CTNNA2: variants seen among roughly 807,000 people sequenced by gnomAD.
CTNNA2 encodes the protein catenin alpha-2.
A neutral mutation model predicts 101.0 loss-of-function variants in CTNNA2; 42 were observed. The ratio of observed to expected loss-of-function variants is 0.42; its 90% CI spans 0.32 to 0.54. The LOEUF (loss-of-function observed/expected upper bound fraction) is 0.54, where lower values mean the gene tolerates loss of function less well. CTNNA2 is among the 20% of genes least tolerant of loss of function. CTNNA2 has a pLI of 0.14. For missense variants in CTNNA2, 871 were observed against 1,223.1 expected (o/e 0.71, Z 4.29); for synonymous variants, 450 against 456.4 (o/e 0.99, Z 0.18).
chr2:79,466,501 G>A (rs1328633787), intron 4 of CTNNA2, among the ~76,000 whole-genome samples: 2 of 152,184 alleles, frequency 1.3e-5, no homozygotes, highest in Non-Finnish European at 2.9e-5. Context: ...AGACTTAAAT[G>A]TCCCTGTCTG....
At chr2:80,143,340 A>C (rs1049327196) in intron 7 of CTNNA2, among the ~76,000 whole-genome samples, 1 of 152,328 alleles carries the variant, frequency 6.6e-6, no homozygotes, top group Non-Finnish European at 1.5e-5. Context: ...TTTATGGAGT[A>C]TAAGTAATGT....
chr2:80,062,122 G>A (rs977317541), intron 7 of CTNNA2, among the ~76,000 whole-genome samples: 1 of 152,140 alleles, frequency 6.6e-6, no homozygotes, highest in South Asian at 2.1e-4. Flanking sequence ...ATCAGTTTGG[G>A]TTCAGAAGAA....
intron 3 of CTNNA2, among the ~76,000 whole-genome samples, chr2:79,338,476 A>G (rs1432073738): frequency 6.6e-6 from 1 of 152,096 alleles, no homozygotes; most frequent in Non-Finnish European, 1.5e-5. Flanking sequence ...GGGAGGGTGA[A>G]TGAGATCAGA....
intron 9 of CTNNA2, among the ~76,000 whole-genome samples, chr2:80,544,420 T>G (rs1691858846): frequency 6.6e-6 from 1 of 152,146 alleles, no homozygotes; most frequent in African/African-American, 2.4e-5. Context: ...TCCGCCATTG[T>G]GTATTGAATG....
intron 4 of CTNNA2, among the ~76,000 whole-genome samples, chr2:79,434,295 CAAAAAAA>C (rs367927495): frequency 2.1e-5 from 2 of 95,492 alleles, no homozygotes; most frequent in Non-Finnish European, 4.3e-5. Flanking sequence ...GAGACTCTGT[CAAAAAAA>C]AAAAAAAAAA....
In CTNNA2 at chr2:80,166,920, T is replaced by G. The variant is rs191859272; in HGVS notation, c.1057-226291T>G. On this transcript the variant is annotated intron_variant, in intron 7 of 18. Transcript: ENST00000402739. ...TTCTTTTAGGTTGGGTCTTTTTTTTTGTCTGTGCCGTCAGCTTCAAGTGTA... is the reference window on the plus strand; with the variant it reads ...TTCTTTTAGGTTGGGTCTTTTTTTTGGTCTGTGCCGTCAGCTTCAAGTGTA... 9.3e-3 allele frequency among the ~76,000 whole-genome samples: 1,420 copies of G among 152,132 alleles called. 7 individuals are homozygous for G. Among genetic ancestry groups the G allele is most frequent in the Middle Eastern group, 0.034 (10 of 294 alleles).
At position 79,798,828 on chromosome 2, in the gene CTNNA2, A is replaced by C. The variant is rs547166408; in HGVS notation, c.298+54246A>C. On this transcript the variant is annotated intron_variant, in intron 3 of 18. Coordinates refer to ENST00000402739, the MANE Select transcript of CTNNA2 (RefSeq NM_001282597.3). ...CTAGAGTAACACAGTTTTATAAAGG[A>C]AATTCTCCCCAGGAGAGTGGTTTCA... Among the ~76,000 whole-genome samples the C allele has an allele frequency of 2.0e-5, 3 of 152,324 alleles. No individual in the cohort carries two copies. In the South Asian group the frequency reaches 6.2e-4, roughly 32 times the overall value.
At position 79,966,578 on chromosome 2, in the gene CTNNA2, C is replaced by T. The variant is rs147227758; in HGVS notation, c.1056+56781C>T. Among the ~76,000 whole-genome samples, 969 of 152,130 alleles carry T rather than the reference C, an allele frequency of 6.4e-3. 15 individuals are homozygous for T. The highest frequency in any genetic ancestry group is 0.022 in the African/African-American group (908 of 41,498). ...CACCTACGTCATTAACCTTAACAGCCCTCTGGGGCAAGAGCATACCTGTGA... is the reference window on the plus strand; with the variant it reads ...CACCTACGTCATTAACCTTAACAGCTCTCTGGGGCAAGAGCATACCTGTGA... On this transcript the variant is annotated intron_variant, in intron 7 of 18. Transcript: ENST00000402739.
Position 80,134,687 on chromosome 2 carries a change from C to T in CTNNA2, c.1056+224890C>T, listed in dbSNP as rs538061696. On this transcript the variant is annotated intron_variant, in intron 7 of 18. Transcript: ENST00000402739. ...CAAAAGAGCACTTCTGCCAAAAAGC[C>T]ACCACCCCTGTTCTGCCTTTCCGGT... Among the ~76,000 whole-genome samples the T allele has an allele frequency of 2.1e-4, 32 of 152,278 alleles. 1 individual carries two copies. In the South Asian group the frequency reaches 6.6e-3, roughly 32 times the overall value.
At chr2:79,612,958 T>C (rs1678379125) in intron 1 of CTNNA2, among the ~76,000 whole-genome samples, 1 of 152,168 alleles carries the variant, frequency 6.6e-6, no homozygotes. Context: ...GATATTCTTG[T>C]TAAGGATTTT....
At position 80,269,583 on chromosome 2, in the gene CTNNA2, GAAAA is replaced by G. The variant is rs201132454; in HGVS notation, c.1057-123622_1057-123619del. 1.3e-5 allele frequency among the ~76,000 whole-genome samples: 2 copies of G among 150,028 alleles called. 1 individual carries two copies. Among genetic ancestry groups the G allele is most frequent in the South Asian group, 4.2e-4 (2 of 4,736 alleles). ...TGTTAGTATTGTCCTATATCATTCA[GAAAA>G]AAAAATGCTGTTATATGTTTCTATC... is the stretch of plus-strand genomic sequence containing the variant. On this transcript the variant is annotated intron_variant, in intron 7 of 18. Transcript: ENST00000402739.
At chr2:79,735,991 T>A (rs1011489994) in intron 2 of CTNNA2, among the ~76,000 whole-genome samples, 48 of 152,352 alleles carry the variant, frequency 3.2e-4, no homozygotes, top group African/African-American at 1.1e-3. Flanking sequence ...ACTTCTTTTT[T>A]AATCTAAAAT....
chr2:79,576,733 G>C (rs1210264497), intron 1 of CTNNA2, among the ~76,000 whole-genome samples: 2 of 152,012 alleles, frequency 1.3e-5, no homozygotes, highest in African/African-American at 2.4e-5. Context: ...GAAATACTTA[G>C]AACAATTGTT....
chr2:79,830,472 A>C (rs1678846259), intron 3 of CTNNA2, among the ~76,000 whole-genome samples: 1 of 152,278 alleles, frequency 6.6e-6, no homozygotes, highest in East Asian at 1.9e-4. Flanking sequence ...TGGGCTAAAA[A>C]AAATTTCAAA....
chr2:80,377,007 T>C (rs780337017), intron 7 of CTNNA2, among the ~76,000 whole-genome samples: 8 of 152,222 alleles, frequency 5.3e-5, no homozygotes, highest in Non-Finnish European at 1.0e-4. Context: ...CAGTAGAAGC[T>C]ACCACGGTTG....
At chr2:79,317,859 A>C (rs1014997774) in intron 3 of CTNNA2, among the ~76,000 whole-genome samples, 1 of 152,106 alleles carries the variant, frequency 6.6e-6, no homozygotes, top group African/African-American at 2.4e-5. Context: ...AAAACATTGG[A>C]ATAAACACAT....
chr2:79,980,011 C>T (rs72920889), intron 7 of CTNNA2, among the ~76,000 whole-genome samples: 5,529 of 152,238 alleles, frequency 0.036, 322 homozygotes, highest in African/African-American at 0.13. Flanking sequence ...AAGTGCTTCT[C>T]CATCTCTAAG....
intron 7 of CTNNA2, among the ~76,000 whole-genome samples, chr2:80,332,653 C>A (rs1671437095): frequency 6.6e-6 from 1 of 152,184 alleles, no homozygotes; most frequent in Non-Finnish European, 1.5e-5. Flanking sequence ...TTTAAGAAAT[C>A]AAAGCCATTT....
chr2:80,357,907 G>A (rs954568810), intron 7 of CTNNA2, among the ~76,000 whole-genome samples: 2 of 152,044 alleles, frequency 1.3e-5, no homozygotes, highest in African/African-American at 4.8e-5. Flanking sequence ...TGGTAATACA[G>A]GGTGCTCTTA....
Sources: gnomAD v4.1 joint callset for allele counts (sites outside exome capture counted in the v4.1 genomes callset) on GRCh38, gnomAD v4.1.1 for gene constraint, MANE v1.5 for transcripts, NCBI Gene and HGNC (gene_info 2026-07-23, HGNC 2026-07-21) for gene names.